Variants in NEK7 observed in about 807,000 individuals in gnomAD.
NEK7 encodes NIMA related kinase 7.
Under a neutral mutation model 44.6 loss-of-function variants are expected in NEK7, and 18 were observed. That is an observed-to-expected ratio of 0.40 (90% CI 0.28 to 0.60). The LOEUF (loss-of-function observed/expected upper bound fraction) is 0.60, where lower values mean the gene tolerates loss of function less well. NEK7 is among the 20% of genes least tolerant of loss of function. NEK7 has a pLI of 0.38. For synonymous variants in NEK7, 130 were observed against 121.1 expected, an observed-to-expected ratio of 1.07 and a Z score of -0.48; for missense variants, 256 against 366.5, an observed-to-expected ratio of 0.70 and a Z score of 2.46.
chr1:198,277,446 T>G (rs1211344712), intron 5 of NEK7, among the ~76,000 whole-genome samples: 1 of 151,844 alleles, frequency 6.6e-6, no homozygotes, highest in Admixed American at 6.6e-5. Flanking sequence ...ACTTGCATTG[T>G]GCAGTAGAAA....
At chr1:198,301,437 C>G (rs982538454) in intron 9 of NEK7, among the ~76,000 whole-genome samples, 1 of 152,236 alleles carries the variant, frequency 6.6e-6, no homozygotes, top group East Asian at 1.9e-4. Flanking sequence ...GTAGTCCCAG[C>G]TACTCGGGAG....
At chr1:198,176,241 T>A (rs1664599797) in intron 1 of NEK7, among the ~76,000 whole-genome samples, 1 of 152,156 alleles carries the variant, frequency 6.6e-6, no homozygotes, top group Non-Finnish European at 1.5e-5. Flanking sequence ...AATACATAGG[T>A]AATGGGTAGG....
intron 2 of NEK7, among the ~76,000 whole-genome samples, chr1:198,249,255 G>A (rs1039042808): frequency 9.9e-5 from 15 of 151,712 alleles, no homozygotes; most frequent in Admixed American, 3.9e-4. Flanking sequence ...ATTCCATGGC[G>A]TATATGTGCC....
chr1:198,194,585 G>C (rs981093489), intron 1 of NEK7, among the ~76,000 whole-genome samples: 2 of 152,090 alleles, frequency 1.3e-5, no homozygotes, highest in Admixed American at 6.5e-5. Flanking sequence ...TTCTGTTCCT[G>C]AATCAGTTTT....
chr1:198,289,131 T>TTGTGTG (rs71133921), intron 7 of NEK7, among the ~76,000 whole-genome samples: 7 of 148,758 alleles, frequency 4.7e-5, no homozygotes, highest in Non-Finnish European at 1.0e-4. Flanking sequence ...TTCCCTGAAG[T>TTGTGTG]TGTGTGTGTG....
chr1:198,201,787 T>G (rs1291203845), intron 1 of NEK7, among the ~76,000 whole-genome samples: 1 of 152,120 alleles, frequency 6.6e-6, no homozygotes, highest in Non-Finnish European at 1.5e-5. Context: ...CACTTGGAGT[T>G]TTTGCACCAG....
intron 5 of NEK7, among the ~76,000 whole-genome samples, chr1:198,277,351 C>G (rs1244785731): frequency 6.6e-6 from 1 of 151,776 alleles, no homozygotes; most frequent in African/African-American, 2.4e-5. Flanking sequence ...CCTATTGGTG[C>G]TGTCAGCTTT....
intron 2 of NEK7, among the ~76,000 whole-genome samples, chr1:198,238,326 ACTT>A (rs1428076667): frequency 2.6e-5 from 4 of 151,848 alleles, no homozygotes; most frequent in Admixed American, 2.0e-4. Context: ...CTAGAACACT[ACTT>A]CTCCTTTTTC....
At chr1:198,208,831 G>A (rs745425755) in intron 1 of NEK7, among the ~76,000 whole-genome samples, 3 of 152,006 alleles carry the variant, frequency 2.0e-5, no homozygotes, top group Non-Finnish European at 2.9e-5. Flanking sequence ...TTCTGTTTCT[G>A]TGTTTCCAAG....
chr1:198,165,994 G>T (rs1013607253), intron 1 of NEK7, among the ~76,000 whole-genome samples: 1 of 152,206 alleles, frequency 6.6e-6, no homozygotes, highest in Non-Finnish European at 1.5e-5. Context: ...TGGACTTCAT[G>T]GACCAACCTC....
chr1:198,239,967 G>A (rs1666638163), intron 2 of NEK7, among the ~76,000 whole-genome samples: 1 of 152,146 alleles, frequency 6.6e-6, no homozygotes, highest in Non-Finnish European at 1.5e-5. Flanking sequence ...GTAACACAAT[G>A]ATAAGTATTT....
At chr1:198,264,502 A>G (rs1653584773) in intron 5 of NEK7, among the ~76,000 whole-genome samples, 1 of 151,998 alleles carries the variant, frequency 6.6e-6, no homozygotes, top group Non-Finnish European at 1.5e-5. Flanking sequence ...CTGTAAGTTG[A>G]GTTAAAGTTT....
chr1:198,224,542 C>T (rs1476606943), intron 1 of NEK7, among the ~76,000 whole-genome samples: 1 of 143,824 alleles, frequency 7.0e-6, no homozygotes, highest in Non-Finnish European at 1.5e-5. Context: ...CAATGTGTCT[C>T]AACAGATTGA....
At chr1:198,176,593 T>TC (rs1664610004) in intron 1 of NEK7, among the ~76,000 whole-genome samples, 2 of 150,620 alleles carry the variant, frequency 1.3e-5, no homozygotes, top group South Asian at 2.1e-4. Flanking sequence ...ATTTATCATA[T>TC]ATATATATAT....
chr1:198,318,651 CAT>C (rs1326262945), intron 9 of NEK7, among the ~76,000 whole-genome samples: 1 of 152,098 alleles, frequency 6.6e-6, no homozygotes, highest in African/African-American at 2.4e-5. Context: ...TATGATGACA[CAT>C]AGTTTCATAA....
rs538817131 is a variant in NEK7, at chr1:198,301,410, C to T, written c.798+4170C>T. 3.3e-5 allele frequency among the ~76,000 whole-genome samples: 5 copies of T among 152,244 alleles called. No homozygotes were observed. In the East Asian group the frequency reaches 5.8e-4, roughly 18 times the overall value. ...CTAAAAATGCAACAAATTAGCCGGG[C>T]GTGGTGGCGGGCGCCTGTAGTCCCA... is the stretch of plus-strand genomic sequence containing the variant. On this transcript the variant is annotated intron_variant, in intron 9 of 9. Transcript: ENST00000367385.
At chr1:198,226,309 C>G (rs898445558) in intron 1 of NEK7, among the ~76,000 whole-genome samples, 1 of 152,006 alleles carries the variant, frequency 6.6e-6, no homozygotes, top group African/African-American at 2.4e-5. Flanking sequence ...CTTTGGGAGG[C>G]CAAGGCGGGT....
At chr1:198,237,032 C>G (rs911683442) in intron 2 of NEK7, among the ~76,000 whole-genome samples, 3 of 152,170 alleles carry the variant, frequency 2.0e-5, no homozygotes, top group Non-Finnish European at 2.9e-5. Context: ...CCTGCTCCAT[C>G]CAGTCCAGTT....
intron 1 of NEK7, among the ~76,000 whole-genome samples, chr1:198,207,654 A>G (rs1200542285): frequency 6.6e-6 from 1 of 152,162 alleles, no homozygotes; most frequent in Non-Finnish European, 1.5e-5. Flanking sequence ...GACAGAATAC[A>G]GATTAGTATT....
Sources: gnomAD v4.1 joint callset for allele counts (sites outside exome capture counted in the v4.1 genomes callset) on GRCh38, gnomAD v4.1.1 for gene constraint, MANE v1.5 for transcripts, NCBI Gene and HGNC (gene_info 2026-07-23, HGNC 2026-07-21) for gene names.